Variants in NOL4L observed in about 807,000 individuals in gnomAD.
NOL4L encodes nucleolar protein 4 like.
NOL4L carries 7 observed loss-of-function variants against 64.5 expected under a neutral mutation model. The ratio of observed to expected loss-of-function variants is 0.11; its 90% CI spans 0.06 to 0.20. The LOEUF is 0.20. NOL4L is among the 10% of genes least tolerant of loss of function. NOL4L has a pLI of 1.00. For synonymous variants in NOL4L, 413 were observed against 401.0 expected (o/e 1.03, Z -0.36); for missense variants, 680 against 967.1 (o/e 0.70, Z 3.94).
At chr20:32,491,580 G>A (rs897831535) in intron 4 of NOL4L, among the ~76,000 whole-genome samples, 1 of 152,088 alleles carries the variant, frequency 6.6e-6, no homozygotes, top group African/African-American at 2.4e-5. Flanking sequence ...TGCCTCACTC[G>A]GGCCCCTTCC....
chr20:32,463,854 G>GTCCCA lies in NOL4L; in HGVS notation c.842-7460_842-7459insTGGGA, dbSNP rs1253342189. Among the ~76,000 whole-genome samples the GTCCCA allele has an allele frequency of 2.6e-5, 4 of 152,268 alleles. No individual in the cohort carries two copies. The highest frequency in any genetic ancestry group is 9.6e-5 in the African/African-American group (4 of 41,550). On this transcript the variant is annotated intron_variant, in intron 5 of 10. Transcript: ENST00000621426. This position sits in a 1 kb window ranked among gnomAD's most constrained non-coding sequence, Gnocchi z 5.8. The stretch of plus-strand genomic sequence containing the variant: ...GTGGGCGACTCCCACCAGCTCCCAG[G>GTCCCA]CTAGGCTCGGAGAACGGGAAGGCCC...
In NOL4L at chr20:32,444,440, T is replaced by TGTAA. The variant is rs1315326143; in HGVS notation, c.*3152_*3155dup. On this transcript the variant is annotated 3_prime_UTR_variant, in exon 11 of 11. Coordinates refer to ENST00000621426, the MANE Select transcript of NOL4L (RefSeq NM_001256798.2). ...TTAATCCTGTAACCACCCTTAGAGT[T>TGTAA]GTAAGTGGCCCTTGGGAATAGGGAT... 5.3e-5 allele frequency: 8 copies of TGTAA among 152,188 alleles called. No individual in the cohort carries two copies. The highest frequency in any genetic ancestry group is 2.0e-4 in the Admixed American group (3 of 15,286). The allele number at this position is 152,188 out of a possible 1,614,324, so 9.4% of individuals were successfully genotyped here.
chr20:32,457,979 G>C (rs1216118680), intron 5 of NOL4L, among the ~76,000 whole-genome samples: 1 of 152,184 alleles, frequency 6.6e-6, no homozygotes, highest in African/African-American at 2.4e-5. Context: ...AGACCTCCTG[G>C]GGGACAGATG....
rs1322676193 is a variant in NOL4L at position 32,445,660 on chromosome 20, T to C, written c.*1936A>G. The C allele has an allele frequency of 6.6e-6, 1 of 152,594 alleles. No individual in the cohort carries two copies. The highest frequency in any genetic ancestry group is 6.5e-5 in the Admixed American group (1 of 15,274). 9.5% of individuals were successfully genotyped at this position (152,594 alleles called of 1,614,324 possible). A position where few individuals can be genotyped will look rare whatever the true frequency, so the allele number is the denominator to read the frequency against. On this transcript the variant is annotated 3_prime_UTR_variant, in exon 11 of 11. Transcript: ENST00000621426. ...TTGGGCACTGGAGGTTGTGCTGTGCTAAGGGTGAGTCTCAGGTGTCCTGGC... is the reference window on the plus strand; with the variant it reads ...TTGGGCACTGGAGGTTGTGCTGTGCCAAGGGTGAGTCTCAGGTGTCCTGGC...
chr20:32,535,331 A>G (rs368821030), intron 1 of NOL4L: 2 of 152,610 alleles, frequency 1.3e-5, no homozygotes, highest in African/African-American at 4.8e-5. Flanking sequence ...TAGGACCCAA[A>G]GTTCCATTGA....
chr20:32,545,065 T>C (rs1213588799), intron 1 of NOL4L, among the ~76,000 whole-genome samples: 19 of 152,104 alleles, frequency 1.2e-4, no homozygotes, highest in African/African-American at 4.3e-4. Flanking sequence ...TATGGATGTA[T>C]CTGGGGGAAC....
chr20:32,504,633 T>A (rs1401563477), intron 4 of NOL4L, among the ~76,000 whole-genome samples: 1 of 149,130 alleles, frequency 6.7e-6, no homozygotes. Flanking sequence ...TTTGACTGAG[T>A]CTTGCTCTGT....
rs567023051 is a variant in NOL4L, at chr20:32,520,559, C to T, written c.589+252G>A. Among the ~76,000 whole-genome samples, 48 of 152,262 alleles carry T rather than the reference C, an allele frequency of 3.2e-4. No homozygotes were observed. The East Asian group carries it at 7.9e-3, about 25-fold the overall frequency. On this transcript the variant is annotated intron_variant, in intron 3 of 10. Transcript: ENST00000621426. ...AGGAAAGGGGCTGGCCGGGGCCTTG[C>T]AAGGCAGGGGAAACATGTTGTTCAC...
intron 1 of NOL4L, among the ~76,000 whole-genome samples, chr20:32,570,553 C>A (rs1448455877): frequency 1.3e-5 from 2 of 152,184 alleles, no homozygotes; most frequent in East Asian, 1.9e-4. Flanking sequence ...CCAGCACAGG[C>A]GCAGGGATTG....
At chr20:32,483,568 AGCGGCGGCG>A in intron 4 of NOL4L, 16 of 954,860 alleles carry the variant, frequency 1.7e-5, no homozygotes, top group Non-Finnish European at 2.0e-5. Context: ...CAGCGGCGGC[AGCGGCGGCG>A]GCGCCGCGGC....
rs867919106 is a variant in NOL4L, at chr20:32,447,587, C to T, written c.*9G>A. 8.8e-6 allele frequency: 14 copies of T among 1,585,310 alleles called. No individual in the cohort carries two copies. Among genetic ancestry groups the T allele is most frequent in the Non-Finnish European group, 1.2e-5 (14 of 1,170,176 alleles). On this transcript the variant is annotated 3_prime_UTR_variant, in exon 11 of 11. Transcript: ENST00000621426. ...TCCCTAGGGCAGTGCGCTCCAGGTG[C>T]CGGTGGGGTCAGTTCTGCTGTAGGA...
chr20:32,510,114 G>T, intron 4 of NOL4L: 1 of 415,554 alleles, frequency 2.4e-6, no homozygotes, highest in Non-Finnish European at 4.5e-6. Context: ...CCCAACCCAA[G>T]CCCATTTTCC....
At chr20:32,492,972 C>T (rs56202406) in intron 4 of NOL4L, among the ~76,000 whole-genome samples, 2,668 of 152,234 alleles carry the variant, frequency 0.018, 62 homozygotes, top group African/African-American at 0.06. Flanking sequence ...TGCGCTTCAC[C>T]GACCTCCAGC....
chr20:32,559,520 G>A lies in NOL4L; in HGVS notation c.321+25050C>T, dbSNP rs540570633. Among the ~76,000 whole-genome samples the A allele has an allele frequency of 7.9e-5, 12 of 152,306 alleles. No individual in the cohort carries two copies. The South Asian group carries it at 2.1e-3, about 26-fold the overall frequency. On this transcript the variant is annotated intron_variant, in intron 1 of 10. Coordinates refer to ENST00000621426, the MANE Select transcript of NOL4L (RefSeq NM_001256798.2). ...GTTACTGGGAGCTCTCTTTGTTCCC[G>A]GCACTGCTCGGAGCACTTGAGGTAG...
At chr20:32,546,940 A>T (rs2018741124) in intron 1 of NOL4L, among the ~76,000 whole-genome samples, 2 of 152,240 alleles carry the variant, frequency 1.3e-5, no homozygotes, top group African/African-American at 4.8e-5. Context: ...GTGTACTGAA[A>T]GAATAAGTGA....
At chr20:32,502,739 C>T (rs1317282588) in intron 4 of NOL4L, among the ~76,000 whole-genome samples, 2 of 151,646 alleles carry the variant, frequency 1.3e-5, no homozygotes, top group Non-Finnish European at 2.9e-5. Context: ...GGTGAAACCC[C>T]GTCTCTACTA....
At chr20:32,526,061 A>G (rs1568687680) in intron 2 of NOL4L, among the ~76,000 whole-genome samples, 2 of 148,550 alleles carry the variant, frequency 1.3e-5, no homozygotes, top group African/African-American at 4.9e-5. Flanking sequence ...CCTGGCCCCA[A>G]TTTTTTTTTT....
intron 4 of NOL4L, among the ~76,000 whole-genome samples, chr20:32,480,935 C>T (rs2015676605): frequency 6.6e-6 from 1 of 152,290 alleles, no homozygotes; most frequent in Admixed American, 6.5e-5. Context: ...CCACTCCTTC[C>T]TGCAAACATG....
intron 1 of NOL4L, among the ~76,000 whole-genome samples, chr20:32,540,832 A>G (rs2018640483): frequency 6.6e-6 from 1 of 151,380 alleles, no homozygotes; most frequent in Non-Finnish European, 1.5e-5. Context: ...TCCACGCAGA[A>G]CACCTGGCAC....
Sources: allele counts gnomAD v4.1 joint callset (sites outside exome capture counted in the v4.1 genomes callset), GRCh38; gene constraint gnomAD v4.1.1; non-coding constraint Gnocchi (gnomAD v3.1); transcripts MANE v1.5; gene names NCBI Gene and HGNC (gene_info 2026-07-23, HGNC 2026-07-21).